NBEA: variants seen among roughly 807,000 people sequenced by gnomAD.
NBEA encodes the protein neurobeachin.
A neutral mutation model predicts 343.4 loss-of-function variants in NBEA; 44 were observed. The observed-to-expected ratio is 0.13, with a 90% CI of 0.10 to 0.16. The LOEUF (loss-of-function observed/expected upper bound fraction) is 0.16. NBEA is among the 10% of genes least tolerant of loss of function. The pLI is 1.00. For synonymous variants in NBEA, 1,175 were observed against 1,238.7 expected (o/e 0.95, Z 1.08); for missense variants, 2,555 against 3,631.3 (o/e 0.70, Z 7.62).
At chr13:35,013,499 C>T (rs2061553751) in intron 1 of NBEA, among the ~76,000 whole-genome samples, 1 of 149,258 alleles carries the variant, frequency 6.7e-6, no homozygotes, top group Non-Finnish European at 1.5e-5. Flanking sequence ...GAGACAGAGT[C>T]TCACTCTGTT....
intron 36 of NBEA, among the ~76,000 whole-genome samples, chr13:35,325,807 T>A (rs2038516924): frequency 6.6e-6 from 1 of 152,116 alleles, no homozygotes; most frequent in African/African-American, 2.4e-5. Context: ...TTTAAATTTT[T>A]AATCTTTCTT....
intron 10 of NBEA, 105 bp downstream of exon 10, chr13:35,070,957 C>T (rs2063842811): frequency 2.3e-6 from 3 of 1,286,182 alleles, no homozygotes; most frequent in South Asian, 5.5e-5. Flanking sequence ...TGGGTTCTGC[C>T]CTTAAAGTGT....
At chr13:34,972,847 C>A (rs2060043373) in intron 1 of NBEA, among the ~76,000 whole-genome samples, 2 of 152,168 alleles carry the variant, frequency 1.3e-5, no homozygotes, top group African/African-American at 4.8e-5. Context: ...TTTCAGCCAT[C>A]TCAGCCTCAG....
At chr13:35,409,140 T>C (rs977897749) in intron 38 of NBEA, among the ~76,000 whole-genome samples, 4 of 152,144 alleles carry the variant, frequency 2.6e-5, no homozygotes, top group African/African-American at 7.2e-5. Flanking sequence ...GTGGTACATA[T>C]ACACCATGGA....
intron 38 of NBEA, among the ~76,000 whole-genome samples, chr13:35,398,350 GAATCACA>G (rs1458408939): frequency 6.6e-6 from 1 of 152,280 alleles, no homozygotes; most frequent in South Asian, 2.1e-4. Context: ...ATCCTTCCAT[GAATCACA>G]AATGTTCTTA....
At chr13:34,980,084 T>G (rs1204331239) in intron 1 of NBEA, among the ~76,000 whole-genome samples, 1 of 152,150 alleles carries the variant, frequency 6.6e-6, no homozygotes, top group South Asian at 2.1e-4. Context: ...TGGTGTACTG[T>G]GGTGTCTCAA....
chr13:35,373,866 C>T (rs1040279058), intron 38 of NBEA, among the ~76,000 whole-genome samples: 6 of 151,888 alleles, frequency 4.0e-5, no homozygotes, highest in South Asian at 4.2e-4. Context: ...GTCTTGCTGT[C>T]TCAGGGGTCT....
At chr13:35,185,017 A>G (rs1593654132) in intron 30 of NBEA, among the ~76,000 whole-genome samples, 1 of 152,126 alleles carries the variant, frequency 6.6e-6, no homozygotes, top group South Asian at 2.1e-4. Context: ...ACCTAATCGC[A>G]TGAGCTCTGT....
chr13:35,452,583 A>G (rs1458365336), intron 40 of NBEA, among the ~76,000 whole-genome samples: 2 of 152,154 alleles, frequency 1.3e-5, no homozygotes, highest in Non-Finnish European at 1.5e-5. Context: ...TATCTCCAAC[A>G]TGCTAAGAGC....
At chr13:35,442,513 A>G (rs1036001307) in intron 39 of NBEA, among the ~76,000 whole-genome samples, 15 of 152,184 alleles carry the variant, frequency 9.9e-5, no homozygotes, top group Non-Finnish European at 1.5e-4. Context: ...AATTTTCTTT[A>G]GAAAGCATAG....
chr13:35,470,620 C>G (rs576935335), intron 40 of NBEA, among the ~76,000 whole-genome samples: 25 of 152,266 alleles, frequency 1.6e-4, no homozygotes, highest in Admixed American at 1.2e-3. Context: ...TTGCCCCAAG[C>G]AAGAGTAAAC....
chr13:35,579,590 G>A (rs2080913368), intron 45 of NBEA, among the ~76,000 whole-genome samples: 1 of 151,936 alleles, frequency 6.6e-6, no homozygotes, highest in East Asian at 1.9e-4. Context: ...ATGTTTCAAG[G>A]TACAATCTAA....
At chr13:35,471,676 G>A (rs2075654761) in intron 40 of NBEA, among the ~76,000 whole-genome samples, 2 of 152,186 alleles carry the variant, frequency 1.3e-5, no homozygotes, top group Non-Finnish European at 1.5e-5. Context: ...AGCTGTTTCT[G>A]TAGTTTCAAA....
At chr13:35,328,772 G>T (rs541975076) in intron 36 of NBEA, among the ~76,000 whole-genome samples, 1 of 150,278 alleles carries the variant, frequency 6.7e-6, no homozygotes, top group South Asian at 2.1e-4. Flanking sequence ...AATTCCAGCA[G>T]GGTTTTTTTT....
In NBEA at chr13:35,041,170, G is replaced by A. The variant is rs2062633240; in HGVS notation, c.526+6G>A. 2 of 1,604,448 alleles carry A rather than the reference G, an allele frequency of 1.2e-6. No homozygotes were observed. The highest frequency in any genetic ancestry group is 1.7e-5 in the Admixed American group (1 of 59,694). On this transcript the variant is annotated splice_donor_region_variant and intron_variant, in intron 2 of 58. Transcript: ENST00000379939. Reference sequence around the variant, plus strand: ...TGTAGATGACATGATAGCAGGTATGGGGTTGTCTGACAGGAAAGTATAACT... The same window carrying A: ...TGTAGATGACATGATAGCAGGTATGAGGTTGTCTGACAGGAAAGTATAACT...
intron 34 of NBEA, among the ~76,000 whole-genome samples, chr13:35,274,990 A>T (rs2034471291): frequency 6.6e-6 from 1 of 152,214 alleles, no homozygotes; most frequent in Non-Finnish European, 1.5e-5. Flanking sequence ...TTCTTCAAAG[A>T]ATTGGAAAAA....
intron 38 of NBEA, among the ~76,000 whole-genome samples, chr13:35,407,414 A>G (rs1169164195): frequency 6.6e-6 from 1 of 152,122 alleles, no homozygotes; most frequent in East Asian, 1.9e-4. Flanking sequence ...GTTCTTAAAA[A>G]AACTGCTTTT....
At chr13:35,600,151 A>G (rs2081984028) in intron 47 of NBEA, among the ~76,000 whole-genome samples, 1 of 152,206 alleles carries the variant, frequency 6.6e-6, no homozygotes, top group African/African-American at 2.4e-5. Context: ...AAGAATTTAC[A>G]TTAAAATAAG....
rs371969954 is a variant in NBEA at position 35,311,117 on chromosome 13, C to T, written c.5903+1525C>T. 1.1e-3 allele frequency among the ~76,000 whole-genome samples: 167 copies of T among 152,132 alleles called. 2 individuals carry two copies. In the South Asian group the frequency reaches 0.033, roughly 30 times the overall value. On this transcript the variant is annotated intron_variant, in intron 36 of 58. Coordinates refer to ENST00000379939, the MANE Select transcript of NBEA (RefSeq NM_001385012.1). ...GGAAAATATCAGTTTTCTTTTATAA[C>T]GCAAATAGTGTTTTACATAACAGCA...
Sources: allele counts gnomAD v4.1 joint callset (sites outside exome capture counted in the v4.1 genomes callset), GRCh38; gene constraint gnomAD v4.1.1; transcripts MANE v1.5; gene names NCBI Gene and HGNC (gene_info 2026-07-23, HGNC 2026-07-21).